Variants in GAS7 observed in about 807,000 individuals in gnomAD.
GAS7 encodes growth arrest-specific protein 7.
GAS7 carries 28 observed loss-of-function variants against 71.1 expected under a neutral mutation model. The ratio of observed to expected loss-of-function variants is 0.39; its 90% CI spans 0.29 to 0.54. The LOEUF is 0.54. Ranked by LOEUF, GAS7 falls within the 20% of genes least tolerant of loss-of-function variation. The pLI, the probability that GAS7 is intolerant of heterozygous loss-of-function variation, is 0.62. For synonymous variants in GAS7, 258 were observed against 245.8 expected (o/e 1.05, Z -0.46); for missense variants, 436 against 627.8 (o/e 0.69, Z 3.27).
At chr17:10,179,057 C>T (rs1224914077) in intron 1 of GAS7, among the ~76,000 whole-genome samples, 3 of 152,008 alleles carry the variant, frequency 2.0e-5, no homozygotes, top group Non-Finnish European at 2.9e-5. Context: ...TGGCCAGGCA[C>T]GGTGGCTCAT....
intron 3 of GAS7, among the ~76,000 whole-genome samples, chr17:9,973,238 C>A (rs1387946802): frequency 6.7e-6 from 1 of 150,286 alleles, no homozygotes; most frequent in African/African-American, 2.4e-5. Context: ...AACAATGGCA[C>A]AACAAATATA....
intron 1 of GAS7, among the ~76,000 whole-genome samples, chr17:10,084,334 C>T (rs913263043): frequency 3.3e-5 from 5 of 151,994 alleles, no homozygotes; most frequent in Non-Finnish European, 7.4e-5. Flanking sequence ...TCATAGTGGT[C>T]CTATTAGAAG....
intron 1 of GAS7, among the ~76,000 whole-genome samples, chr17:10,099,834 T>C (rs1360204477): frequency 1.3e-5 from 2 of 152,224 alleles, no homozygotes; most frequent in Admixed American, 6.5e-5. Context: ...CCTAAGAGTG[T>C]AATTCGTTAC....
At chr17:10,168,563 G>A (rs1280479516) in intron 1 of GAS7, among the ~76,000 whole-genome samples, 2 of 152,178 alleles carry the variant, frequency 1.3e-5, no homozygotes, top group East Asian at 1.9e-4. Flanking sequence ...GCCACAAACC[G>A]CTGTAGGCCC....
At chr17:9,997,052 C>T (rs2071075514) in intron 2 of GAS7, among the ~76,000 whole-genome samples, 1 of 151,968 alleles carries the variant, frequency 6.6e-6, no homozygotes, top group Non-Finnish European at 1.5e-5. Flanking sequence ...GGAAAAAGAC[C>T]AGAAACAGAC....
Position 9,914,555 on chromosome 17 carries a change from CAG to C in GAS7, c.*2671_*2672del, listed in dbSNP as rs931569958. On this transcript the variant is annotated 3_prime_UTR_variant, in exon 14 of 14. Coordinates refer to ENST00000432992, the MANE Select transcript of GAS7 (RefSeq NM_201433.2). ...TTTGTAAAGAGTTATTTAAAGCAAA[CAG>C]AGAAATTTCTGAAATTCGAATTGGA... 34 of 197,554 alleles carry C rather than the reference CAG, an allele frequency of 1.7e-4. No individual in the cohort carries two copies. Among genetic ancestry groups the C allele is most frequent in the African/African-American group, 7.1e-4 (31 of 43,448 alleles). 12.2% of individuals were successfully genotyped at this position (197,554 alleles called of 1,614,324 possible). A position where few individuals can be genotyped will look rare whatever the true frequency, so the allele number is the denominator to read the frequency against.
At chr17:10,061,850 T>C (rs138025514) in intron 1 of GAS7, among the ~76,000 whole-genome samples, 2 of 152,254 alleles carry the variant, frequency 1.3e-5, no homozygotes, top group African/African-American at 4.8e-5. Context: ...AGGGGAACAA[T>C]ATGGCACTCC....
intron 2 of GAS7, among the ~76,000 whole-genome samples, chr17:10,017,518 G>C (rs752756584): frequency 6.6e-6 from 1 of 151,940 alleles, no homozygotes; most frequent in Non-Finnish European, 1.5e-5. Flanking sequence ...TAGTAGAGAC[G>C]GGGTTTCACC....
chr17:9,931,267 T>C (rs2068198006), intron 9 of GAS7, among the ~76,000 whole-genome samples: 1 of 152,178 alleles, frequency 6.6e-6, no homozygotes, highest in Non-Finnish European at 1.5e-5. Context: ...GCGTGGTGGT[T>C]GACGGCAATG....
intron 9 of GAS7, among the ~76,000 whole-genome samples, chr17:9,928,122 TA>T (rs1157470219): frequency 9.9e-5 from 15 of 151,438 alleles, no homozygotes; most frequent in Non-Finnish European, 8.8e-5. Flanking sequence ...TTTATTTATT[TA>T]TTTTTTTGAG....
At chr17:10,091,854 G>A (rs1374277605) in intron 1 of GAS7, among the ~76,000 whole-genome samples, 1 of 151,824 alleles carries the variant, frequency 6.6e-6, no homozygotes, top group Non-Finnish European at 1.5e-5. Flanking sequence ...GCTAAGTTTT[G>A]TAATTTTTTT....
intron 1 of GAS7, among the ~76,000 whole-genome samples, chr17:10,108,124 AG>A (rs1353667366): frequency 2.6e-5 from 4 of 152,204 alleles, no homozygotes; most frequent in Non-Finnish European, 4.4e-5. Flanking sequence ...GCTGGGCTGG[AG>A]AACCACATGG....
Position 9,911,118 on chromosome 17 carries a change from G to A in GAS7, c.*6110C>T, listed in dbSNP as rs1219980661. 1 of 233,002 alleles carries A rather than the reference G, an allele frequency of 4.3e-6. No homozygotes were observed. Among genetic ancestry groups the A allele is most frequent in the African/African-American group, 2.2e-5 (1 of 45,304 alleles). 14.4% of individuals were successfully genotyped at this position (233,002 alleles called of 1,614,324 possible). ...GGGCCCCTGTCACTAAGGATGGCTG[G>A]CGTCCCTTTGAATGTCTGTCCCTGG... On this transcript the variant is annotated 3_prime_UTR_variant, in exon 14 of 14. Coordinates refer to ENST00000432992, the MANE Select transcript of GAS7 (RefSeq NM_201433.2). This position sits in a 1 kb window ranked among gnomAD's most constrained non-coding sequence, Gnocchi z 4.0.
chr17:9,937,483 C>T (rs2068442866), intron 8 of GAS7, among the ~76,000 whole-genome samples: 1 of 152,246 alleles, frequency 6.6e-6, no homozygotes, highest in South Asian at 2.1e-4. Context: ...CTGCCCCTAT[C>T]TCAGGCCCCG....
At position 9,916,052 on chromosome 17, in the gene GAS7, G is replaced by A. The variant is rs1038831586; in HGVS notation, c.*1176C>T. The A allele has an allele frequency of 5.6e-5, 13 of 233,074 alleles. No individual in the cohort carries two copies. Among genetic ancestry groups the A allele is most frequent in the East Asian group, 1.2e-4 (2 of 16,548 alleles). The allele number at this position is 233,074 out of a possible 1,614,324, so 14.4% of individuals were successfully genotyped here. A position where few individuals can be genotyped will look rare whatever the true frequency, so the allele number is the denominator to read the frequency against. ...AGAAGGAGCGGGAAGCAAAGGTGGC[G>A]GGACACTGCCTGAAAGGCGACAACC... On this transcript the variant is annotated 3_prime_UTR_variant, in exon 14 of 14. Coordinates refer to ENST00000432992, the MANE Select transcript of GAS7 (RefSeq NM_201433.2).
chr17:9,973,776 T>C (rs1251471326), intron 3 of GAS7, among the ~76,000 whole-genome samples: 1 of 152,192 alleles, frequency 6.6e-6, no homozygotes, highest in Non-Finnish European at 1.5e-5. Context: ...CATAGAAACA[T>C]GTGGCAGGCT....
chr17:10,044,293 A>G (rs575372649), intron 1 of GAS7, among the ~76,000 whole-genome samples: 3 of 152,372 alleles, frequency 2.0e-5, no homozygotes, highest in South Asian at 2.1e-4. Flanking sequence ...CTGTTCATCC[A>G]GGGCTGATCA....
intron 2 of GAS7, among the ~76,000 whole-genome samples, chr17:10,016,987 C>G (rs991954338): frequency 6.8e-6 from 1 of 147,296 alleles, no homozygotes; most frequent in African/African-American, 2.5e-5. Context: ...AGAAATCAGC[C>G]GGGCGTGATG....
At chr17:10,163,380 C>A (rs1315812717) in intron 1 of GAS7, among the ~76,000 whole-genome samples, 1 of 151,510 alleles carries the variant, frequency 6.6e-6, no homozygotes, top group Admixed American at 6.6e-5. Flanking sequence ...CTTGCCTCGG[C>A]CTCCCAAAGT....
Sources: gnomAD v4.1 joint callset for allele counts (sites outside exome capture counted in the v4.1 genomes callset) on GRCh38, gnomAD v4.1.1 for gene constraint, Gnocchi (gnomAD v3.1) non-coding constraint, MANE v1.5 for transcripts, NCBI Gene and HGNC (gene_info 2026-07-23, HGNC 2026-07-21) for gene names.